Variants in GSE1 observed in about 807,000 individuals in gnomAD.
GSE1 encodes Gse1 coiled-coil protein.
Under a neutral mutation model 112.6 loss-of-function variants are expected in GSE1, and 32 were observed. The ratio of observed to expected loss-of-function variants is 0.28; its 90% CI spans 0.21 to 0.38. The LOEUF is 0.38. Ranked by LOEUF, GSE1 falls within the 10% of genes least tolerant of loss-of-function variation. GSE1 has a pLI of 1.00. For synonymous variants in GSE1, 1,115 were observed against 735.6 expected (o/e 1.52, Z -8.35); for missense variants, 2,348 against 1,699.2 (o/e 1.38, Z -6.71).
chr16:85,344,950 C>T (rs944987832), intron 1 of GSE1, among the ~76,000 whole-genome samples: 5 of 152,262 alleles, frequency 3.3e-5, no homozygotes, highest in South Asian at 2.1e-4. Flanking sequence ...CTGCCCTCAC[C>T]GTGGCTCACA....
intron 2 of GSE1, among the ~76,000 whole-genome samples, chr16:85,535,328 C>T (rs545322267): frequency 1.3e-5 from 2 of 152,366 alleles, no homozygotes; most frequent in Non-Finnish European, 2.9e-5. Context: ...TCTTTGCCTC[C>T]CCTTGTCTGC....
At chr16:85,273,863 AT>A (rs1399628119) in intron 1 of GSE1, among the ~76,000 whole-genome samples, 384 of 138,566 alleles carry the variant, frequency 2.8e-3, no homozygotes, top group Middle Eastern at 3.8e-3. Flanking sequence ...CTAATTTTGT[AT>A]TTTTTTTTTT....
At chr16:85,360,557 T>C (rs1309964816) in intron 2 of GSE1, among the ~76,000 whole-genome samples, 1 of 152,114 alleles carries the variant, frequency 6.6e-6, no homozygotes, top group Non-Finnish European at 1.5e-5. Flanking sequence ...ATTACACACC[T>C]GCCACCTCTC....
At chr16:85,591,326 C>T (rs746109082) in intron 1 of GSE1, among the ~76,000 whole-genome samples, 2 of 152,224 alleles carry the variant, frequency 1.3e-5, no homozygotes, top group Non-Finnish European at 2.9e-5. Flanking sequence ...GCTACCCTGT[C>T]ACCCCCAGCC....
At chr16:85,575,228 G>T (rs2046180236) in intron 1 of GSE1, among the ~76,000 whole-genome samples, 1 of 152,216 alleles carries the variant, frequency 6.6e-6, no homozygotes, top group African/African-American at 2.4e-5. Flanking sequence ...GCAGGCAGGT[G>T]GCAGCCACCT....
At chr16:85,622,868 G>T (rs569216291) in intron 1 of GSE1, among the ~76,000 whole-genome samples, 19 of 152,180 alleles carry the variant, frequency 1.2e-4, no homozygotes, top group Admixed American at 1.2e-3. Context: ...TGTGCTGAGG[G>T]TTGCAGCTGC....
chr16:85,346,738 C>T (rs2046749312), intron 1 of GSE1, among the ~76,000 whole-genome samples: 1 of 145,026 alleles, frequency 6.9e-6, no homozygotes, highest in Non-Finnish European at 1.5e-5. Flanking sequence ...GGATGGTGGA[C>T]AGGTGAGTGG....
At chr16:85,202,492 G>A (rs1301232011) in intron 1 of GSE1, among the ~76,000 whole-genome samples, 1 of 152,188 alleles carries the variant, frequency 6.6e-6, no homozygotes, top group East Asian at 1.9e-4. Context: ...TCAAACTCCT[G>A]GGCTCATGGT....
intron 1 of GSE1, among the ~76,000 whole-genome samples, chr16:85,601,348 C>T (rs1027590226): frequency 3.9e-5 from 6 of 151,944 alleles, no homozygotes; most frequent in Non-Finnish European, 7.4e-5. Flanking sequence ...GCCAGGCCCA[C>T]GGCAGTCAGG....
intron 1 of GSE1, among the ~76,000 whole-genome samples, chr16:85,235,796 C>T (rs1390321692): frequency 1.3e-5 from 2 of 152,106 alleles, no homozygotes; most frequent in Middle Eastern, 3.4e-3. Flanking sequence ...GAGGCGCCGG[C>T]CGGTGAGCGC....
chr16:85,192,140 A>G (rs1401898099), intron 1 of GSE1, among the ~76,000 whole-genome samples: 1 of 152,238 alleles, frequency 6.6e-6, no homozygotes, highest in Non-Finnish European at 1.5e-5. Context: ...GGGTGCACAC[A>G]TAGGCAGTAC....
chr16:85,621,713 C>T (rs780334542), intron 1 of GSE1, among the ~76,000 whole-genome samples: 8 of 152,204 alleles, frequency 5.3e-5, no homozygotes, highest in Non-Finnish European at 7.3e-5. Context: ...TCTCCAGCCA[C>T]GGCTGGCAGA....
intron 1 of GSE1, among the ~76,000 whole-genome samples, chr16:85,266,011 CAA>C (rs1212242028): frequency 1.3e-5 from 2 of 152,106 alleles, no homozygotes; most frequent in African/African-American, 4.8e-5. Flanking sequence ...CTTGGACAGA[CAA>C]AGTGGAATGA....
chr16:85,591,456 G>A (rs1488655751), intron 1 of GSE1, among the ~76,000 whole-genome samples: 1 of 152,254 alleles, frequency 6.6e-6, no homozygotes, highest in Non-Finnish European at 1.5e-5. Flanking sequence ...TCCCAGATGC[G>A]GATGGAGCCT....
intron 1 of GSE1, among the ~76,000 whole-genome samples, chr16:85,356,083 C>G (rs1422235192): frequency 6.6e-6 from 1 of 152,270 alleles, no homozygotes; most frequent in East Asian, 1.9e-4. Context: ...CATGGGATGA[C>G]CCCCCTGCAG....
At chr16:85,309,772 G>A (rs563779033) in intron 1 of GSE1, among the ~76,000 whole-genome samples, 1 of 152,362 alleles carries the variant, frequency 6.6e-6, no homozygotes, top group East Asian at 1.9e-4. Flanking sequence ...TGAGCCCTGG[G>A]TCTGGGCCGG....
chr16:85,294,632 TC>T (rs2045313479), intron 1 of GSE1, among the ~76,000 whole-genome samples: 1 of 136,770 alleles, frequency 7.3e-6, no homozygotes, highest in Admixed American at 7.1e-5. Flanking sequence ...TCTCTCTCTC[TC>T]TCTCTCTCTC....
At chr16:85,619,345 A>C (rs1047596828) in intron 1 of GSE1, among the ~76,000 whole-genome samples, 3 of 151,146 alleles carry the variant, frequency 2.0e-5, no homozygotes, top group Non-Finnish European at 4.4e-5. Flanking sequence ...AGCAGTATTG[A>C]TGTTGGACAG....
At chr16:85,606,562 G>A (rs1004055080), upstream of GSE1, among the ~76,000 whole-genome samples, 4 of 152,214 alleles carry the variant, frequency 2.6e-5, no homozygotes, top group Admixed American at 2.0e-4. Context: ...GAGTCTGCCC[G>A]TCACTGGGTC....
Sources: allele counts gnomAD v4.1 joint callset (sites outside exome capture counted in the v4.1 genomes callset), GRCh38; gene constraint gnomAD v4.1.1; transcripts MANE v1.5; gene names NCBI Gene and HGNC (gene_info 2026-07-23, HGNC 2026-07-21).